Variants in GNS observed in about 807,000 individuals in gnomAD.
GNS encodes the protein N-acetylglucosamine-6-sulfatase.
In GNS, 40 loss-of-function variants were observed where a neutral mutation model predicts 69.7. The ratio of observed to expected loss-of-function variants is 0.57; its 90% confidence interval spans 0.45 to 0.75. The LOEUF (loss-of-function observed/expected upper bound fraction) is 0.75. Among genes scored for constraint, GNS ranks in the 30% least tolerant of loss-of-function variants. The pLI, the probability that GNS is intolerant of heterozygous loss-of-function variation, is 0.00. For missense variants in GNS, 565 were observed against 685.5 expected (o/e 0.82, Z 1.96); for synonymous variants, 243 against 251.6 (o/e 0.97, Z 0.32).
chr12:64,735,081 G>A (rs964197939), intron 9 of GNS, among the ~76,000 whole-genome samples: 13 of 152,180 alleles, frequency 8.5e-5, no homozygotes, highest in African/African-American at 3.1e-4. Flanking sequence ...CTGCACTCCA[G>A]CCTGGGTGAC....
intron 2 of GNS, among the ~76,000 whole-genome samples, chr12:64,751,826 A>G (rs988779949): frequency 4.6e-5 from 7 of 151,970 alleles, no homozygotes; most frequent in Non-Finnish European, 7.4e-5. Context: ...ATCTCTACTG[A>G]AAATACAAAA....
In GNS at chr12:64,759,377, T is replaced by C; in HGVS notation, c.-101A>G. ...GACCAGCCGAAGGAATAAAAAGCCG[T>C]GCCTTGAAGGCCGGTGGCTGGAGTC... On this transcript the variant is annotated 5_prime_UTR_variant, in exon 1 of 14. Transcript: ENST00000258145. 1 of 788,910 alleles carries C rather than the reference T, an allele frequency of 1.3e-6. No individual in the cohort carries two copies. The highest frequency in any genetic ancestry group is 2.7e-5 in the East Asian group (1 of 36,760). 48.9% of individuals were successfully genotyped at this position (788,910 alleles called of 1,614,324 possible).
intron 1 of GNS, among the ~76,000 whole-genome samples, chr12:64,755,130 G>A (rs1247959006): frequency 6.6e-6 from 1 of 152,060 alleles, no homozygotes; most frequent in Non-Finnish European, 1.5e-5. Flanking sequence ...CCAACTTCAT[G>A]CCTTCATGTG....
intron 9 of GNS, among the ~76,000 whole-genome samples, chr12:64,732,753 G>A (rs771210730): frequency 8.6e-5 from 13 of 152,012 alleles, no homozygotes; most frequent in Admixed American, 2.6e-4. Flanking sequence ...GAGCCACCGC[G>A]CCTGGCCTAA....
intron 1 of GNS, among the ~76,000 whole-genome samples, chr12:64,755,505 G>A (rs914552104): frequency 1.3e-5 from 2 of 149,852 alleles, no homozygotes; most frequent in Admixed American, 6.6e-5. Flanking sequence ...TTGAACTCAG[G>A]AGAAGGAGGT....
intron 9 of GNS, among the ~76,000 whole-genome samples, chr12:64,731,701 T>C (rs1201206428): frequency 6.6e-6 from 1 of 152,250 alleles, no homozygotes; most frequent in Non-Finnish European, 1.5e-5. Flanking sequence ...AGAATTTGGA[T>C]GGATTCACCC....
Position 64,741,268 on chromosome 12 carries a change from T to C in GNS, c.793-580A>G, listed in dbSNP as rs537394073. Among the ~76,000 whole-genome samples, 40 of 151,932 alleles carry C rather than the reference T, an allele frequency of 2.6e-4. No homozygotes were observed. The South Asian group carries it at 7.7e-3, about 29-fold the overall frequency. On this transcript the variant is annotated intron_variant, in intron 6 of 13. Coordinates refer to ENST00000258145, the MANE Select transcript of GNS (RefSeq NM_002076.4). ...TTACCTTCCTCTAAGTTGCTTTTTT[T>C]GAGACAGAGGCGGAGGTTGCATTGA... is the stretch of plus-strand genomic sequence containing the variant.
chr12:64,727,270 T>TAAA (rs34941904), intron 10 of GNS, among the ~76,000 whole-genome samples: 3 of 137,280 alleles, frequency 2.2e-5, no homozygotes, highest in Non-Finnish European at 4.6e-5. Context: ...TTTCTACTAT[T>TAAA]AAAAAAAAAA....
chr12:64,729,872 A>T (rs902785570), intron 9 of GNS, among the ~76,000 whole-genome samples: 2 of 152,210 alleles, frequency 1.3e-5, no homozygotes, highest in African/African-American at 4.8e-5. Context: ...AAATATCTGA[A>T]TATTAATATT....
intron 2 of GNS, among the ~76,000 whole-genome samples, chr12:64,750,656 C>G (rs1235585901): frequency 6.6e-6 from 1 of 151,978 alleles, no homozygotes; most frequent in African/African-American, 2.4e-5. Context: ...GTAATCCCAG[C>G]TATTTGGGAA....
chr12:64,746,917 G>C (rs1355786574), intron 3 of GNS, among the ~76,000 whole-genome samples: 1 of 152,196 alleles, frequency 6.6e-6, no homozygotes, highest in Non-Finnish European at 1.5e-5. Flanking sequence ...AGAAAATCCA[G>C]ATCAGATATT....
intron 5 of GNS, among the ~76,000 whole-genome samples, chr12:64,743,919 T>C (rs1869821604): frequency 6.6e-6 from 1 of 152,224 alleles, no homozygotes; most frequent in Non-Finnish European, 1.5e-5. Flanking sequence ...GTTTCATGTA[T>C]TCCCAACACT....
intron 10 of GNS, among the ~76,000 whole-genome samples, chr12:64,723,497 G>A (rs1869097367): frequency 6.6e-6 from 1 of 152,170 alleles, no homozygotes; most frequent in South Asian, 2.1e-4. Flanking sequence ...CTCAGACTAA[G>A]AAACTTATAA....
rs571836227 is a variant in GNS, at chr12:64,746,866, T to C, written c.459+846A>G. 2.5e-3 allele frequency among the ~76,000 whole-genome samples: 387 copies of C among 152,298 alleles called. 4 individuals carry two copies. The highest frequency in any genetic ancestry group is 4.5e-3 in the Non-Finnish European group (304 of 68,030). ...CTCATCTTCCTGTAAACTCACAAGG[T>C]TGCAGATTTCCCCAATTATTGGGGG... On this transcript the variant is annotated intron_variant, in intron 3 of 13. Coordinates refer to ENST00000258145, the MANE Select transcript of GNS (RefSeq NM_002076.4).
rs140134726 is a variant in GNS at position 64,720,248 on chromosome 12, C to G, written c.1420-66G>C. 1.1e-5 allele frequency: 12 copies of G among 1,059,812 alleles called. No homozygotes were observed. The South Asian group carries it at 1.3e-4, about 11-fold the overall frequency. The allele number at this position is 1,059,812 out of a possible 1,614,324, so 65.7% of individuals were successfully genotyped here. ...GTTAGCCGTGAAGAAATACTCTTAA[C>G]GTGACTTATTTCTAAAGGGGAAGGG... is the stretch of plus-strand genomic sequence containing the variant. On this transcript the variant is annotated intron_variant, in intron 12 of 13. Transcript: ENST00000258145.
chr12:64,721,775 G>T, intron 11 of GNS, 70 bp from the exon 12 acceptor site: 1 of 850,626 alleles, frequency 1.2e-6, no homozygotes, highest in Non-Finnish European at 2.0e-6. Context: ...TTGCCTAGAA[G>T]GGCAATCGGC....
chr12:64,717,858 T>C (rs1452878420), intron 13 of GNS, among the ~76,000 whole-genome samples: 2 of 152,182 alleles, frequency 1.3e-5, no homozygotes, highest in Non-Finnish European at 2.9e-5. Context: ...CCTGGCACTA[T>C]CCTTGGGGCT....
At chr12:64,725,238 T>TA in intron 10 of GNS, among the ~76,000 whole-genome samples, 1 of 152,326 alleles carries the variant, frequency 6.6e-6, no homozygotes, top group African/African-American at 2.4e-5. Flanking sequence ...AGTAAATACT[T>TA]AGGCTCCTGG....
intron 13 of GNS, among the ~76,000 whole-genome samples, chr12:64,719,559 T>C (rs779592206): frequency 2.8e-4 from 42 of 152,318 alleles, no homozygotes; most frequent in Non-Finnish European, 5.0e-4. Context: ...AGTTTACACC[T>C]TCTATTTTCA....
Sources: gnomAD v4.1 joint callset for allele counts (sites outside exome capture counted in the v4.1 genomes callset) on GRCh38, gnomAD v4.1.1 for gene constraint, MANE v1.5 for transcripts, NCBI Gene and HGNC (gene_info 2026-07-23, HGNC 2026-07-21) for gene names.